ARAP2: variants seen among roughly 807,000 people sequenced by gnomAD.
ARAP2 encodes ArfGAP with RhoGAP domain, ankyrin repeat and PH domain 2.
In ARAP2, 148 loss-of-function variants were observed where a neutral mutation model predicts 194.5. The ratio of observed to expected loss-of-function variants is 0.76; its 90% CI spans 0.67 to 0.87. The LOEUF (loss-of-function observed/expected upper bound fraction) is 0.87. ARAP2 is among the 40% of genes least tolerant of loss of function. The probability of loss-of-function intolerance (pLI) is 0.00; values close to 1 mark genes in which losing one functional copy is unlikely to be tolerated. For missense variants in ARAP2, 2,128 were observed against 1,989.7 expected, an observed-to-expected ratio of 1.07 and a Z score of -1.32; for synonymous variants, 695 against 683.5, an observed-to-expected ratio of 1.02 and a Z score of -0.26.
intron 28 of ARAP2, among the ~76,000 whole-genome samples, chr4:36,084,502 C>T (rs754842812): frequency 1.2e-4 from 18 of 151,744 alleles, no homozygotes; most frequent in Non-Finnish European, 1.8e-4. Context: ...AAAACAGACT[C>T]GTGAATATAT....
At chr4:36,108,128 GC>G (rs1718908777) in intron 26 of ARAP2, among the ~76,000 whole-genome samples, 1 of 151,798 alleles carries the variant, frequency 6.6e-6, no homozygotes, top group South Asian at 2.1e-4. Flanking sequence ...AAACTTCTGA[GC>G]TCAGGCTACC....
chr4:36,153,043 C>T (rs1731385846), intron 15 of ARAP2, among the ~76,000 whole-genome samples: 1 of 152,166 alleles, frequency 6.6e-6, no homozygotes, highest in Non-Finnish European at 1.5e-5. Context: ...GACTGCAGAT[C>T]TCATTATGTA....
chr4:36,076,754 G>A (rs1265284817), intron 31 of ARAP2, among the ~76,000 whole-genome samples: 1 of 151,978 alleles, frequency 6.6e-6, no homozygotes, highest in Non-Finnish European at 1.5e-5. Context: ...CCAAACCTGT[G>A]CCTGAGTTTT....
At position 36,083,404 on chromosome 4, in the gene ARAP2, T is replaced by C. The variant is rs1241908514; in HGVS notation, c.4472A>G (p.Tyr1491Cys). Reference protein sequence around the residue: ...KMFSLSSMKFYRGVKKKMKPP... With the variant: ...KMFSLSSMKFCRGVKKKMKPP... ...CTTCATTTTCTTTTTCACTCCACGATAAAACTTCATGGAACTGAGAGAAAA... is the reference window on the plus strand; with the variant it reads ...CTTCATTTTCTTTTTCACTCCACGACAAAACTTCATGGAACTGAGAGAAAA... The change falls in exon 29 of 33, where the codon TAT (tyrosine) becomes TGT (cysteine). Residue 1491 changes from tyrosine to cysteine, a missense_variant. Transcript: ENST00000303965. 2 of 1,608,866 alleles carry C rather than the reference T, an allele frequency of 1.2e-6. No homozygotes were observed. The highest frequency in any genetic ancestry group is 2.2e-5 in the East Asian group (1 of 44,660).
At chr4:36,062,897 TTTAA>T (rs1375398974), downstream of ARAP2, among the ~76,000 whole-genome samples, 1 of 152,206 alleles carries the variant, frequency 6.6e-6, no homozygotes, top group Admixed American at 6.5e-5. Flanking sequence ...AAACATAAAC[TTTAA>T]TTACCTGATT....
chr4:36,069,822 T>A (rs73123451), intron 32 of ARAP2, among the ~76,000 whole-genome samples: 3,118 of 152,256 alleles, frequency 0.02, 42 homozygotes, highest in African/African-American at 0.035. Flanking sequence ...AGGAGGTGAC[T>A]GAATCGTGGG....
chr4:36,204,032 C>T (rs1487430869), intron 6 of ARAP2, among the ~76,000 whole-genome samples: 1 of 151,860 alleles, frequency 6.6e-6, no homozygotes, highest in African/African-American at 2.4e-5. Flanking sequence ...AGTATAACAA[C>T]AACAACAAAA....
At chr4:36,024,735 A>C (rs923865943) in intron 5 of ARAP2, among the ~76,000 whole-genome samples, 1 of 152,164 alleles carries the variant, frequency 6.6e-6, no homozygotes, top group Non-Finnish European at 1.5e-5. Flanking sequence ...ATATGTGTAT[A>C]ATAAATGCAG....
intron 24 of ARAP2, 126 bp from the exon 25 acceptor site, chr4:36,117,261 A>G: frequency 3.3e-6 from 2 of 613,478 alleles, no homozygotes; most frequent in Admixed American, 3.8e-5. Context: ...AACAAGCTCA[A>G]TTCCCCTGCT....
At chr4:36,164,678 T>C (rs894654401) in intron 11 of ARAP2, among the ~76,000 whole-genome samples, 1 of 152,238 alleles carries the variant, frequency 6.6e-6, no homozygotes, top group Admixed American at 6.5e-5. Flanking sequence ...TTTTAAAATC[T>C]ATACATGGAC....
intron 6 of ARAP2, among the ~76,000 whole-genome samples, chr4:36,018,030 C>A (rs1485276493): frequency 6.6e-6 from 1 of 152,036 alleles, no homozygotes; most frequent in Non-Finnish European, 1.5e-5. Context: ...ATTTACTGTA[C>A]TTTTATGACA....
intron 8 of ARAP2, among the ~76,000 whole-genome samples, chr4:36,014,313 A>G (rs13152001): frequency 0.04 from 2,917 of 73,322 alleles, 60 homozygotes; most frequent in Non-Finnish European, 0.046. Flanking sequence ...AAGGAAGGAA[A>G]GAAAGAAAGA....
intron 10 of ARAP2, chr4:36,006,889 AAG>A (rs1713390508): frequency 1.3e-5 from 2 of 152,122 alleles, no homozygotes; most frequent in Non-Finnish European, 2.9e-5. Flanking sequence ...AAATTTTTAA[AAG>A]AGAGAAAGTA....
At chr4:36,017,737 G>T (rs1231732976) in intron 6 of ARAP2, among the ~76,000 whole-genome samples, 4 of 151,960 alleles carry the variant, frequency 2.6e-5, no homozygotes, top group Non-Finnish European at 5.9e-5. Context: ...GAGTGGTAAG[G>T]GTTCATACCA....
chr4:36,070,363 A>T (rs1369294706), intron 32 of ARAP2, among the ~76,000 whole-genome samples: 1 of 152,226 alleles, frequency 6.6e-6, no homozygotes. Flanking sequence ...TCCTTAAAAG[A>T]TTAGGCATTC....
Position 36,114,224 on chromosome 4 carries a change from GAAT to G in ARAP2, c.4099_4101del (p.Ile1367del). ...GTGGCCCAAATATCACCTTTTGTAG[GAAT>G]AATATTTTTTATCGCTAATATATCA... is the stretch of plus-strand genomic sequence containing the variant. On this transcript the variant is annotated inframe_deletion, in exon 26 of 33. Coordinates refer to ENST00000303965, the MANE Select transcript of ARAP2 (RefSeq NM_015230.4). The G allele has an allele frequency of 1.2e-6, 2 of 1,603,352 alleles. No individual in the cohort carries two copies. Among genetic ancestry groups the G allele is most frequent in the Non-Finnish European group, 1.7e-6 (2 of 1,171,924 alleles).
At chr4:36,154,472 G>C (rs1731759864) in intron 15 of ARAP2, among the ~76,000 whole-genome samples, 1 of 152,066 alleles carries the variant, frequency 6.6e-6, no homozygotes, top group African/African-American at 2.4e-5. Flanking sequence ...CAAATACTAT[G>C]TAAACAAATC....
chr4:36,098,055 CA>C (rs11327252), intron 27 of ARAP2, among the ~76,000 whole-genome samples: 141,564 of 151,232 alleles, frequency 0.94, 66,301 homozygotes, highest in African/African-American at 0.96. Context: ...CTCGCACCTC[CA>C]AAAAAAAAAT....
At chr4:36,153,738 A>T (rs761838828) in intron 15 of ARAP2, among the ~76,000 whole-genome samples, 4 of 152,198 alleles carry the variant, frequency 2.6e-5, no homozygotes, top group Non-Finnish European at 5.9e-5. Flanking sequence ...AGCCTACAGG[A>T]CAACATACCT....
Sources: gnomAD v4.1 joint callset for allele counts (sites outside exome capture counted in the v4.1 genomes callset) on GRCh38, gnomAD v4.1.1 for gene constraint, MANE v1.5 for transcripts, NCBI Gene and HGNC (gene_info 2026-07-23, HGNC 2026-07-21) for gene names.